Variants in NADK2 observed in about 807,000 individuals in gnomAD.
NADK2 encodes the protein NAD kinase 2, mitochondrial, also known as NAD kinase domain-containing protein 1, mitochondrial.
NADK2 carries 35 observed loss-of-function variants against 62.1 expected under a neutral mutation model. The ratio of observed to expected loss-of-function variants is 0.56; its 90% CI spans 0.43 to 0.75. NADK2 has a LOEUF of 0.75. NADK2 is among the 30% of genes least tolerant of loss of function. NADK2 has a pLI of 0.00. For synonymous variants in NADK2, 205 were observed against 207.9 expected (o/e 0.99, Z 0.12); for missense variants, 439 against 561.3 (o/e 0.78, Z 2.20).
At chr5:36,227,828 T>A (rs1425324271) in intron 1 of NADK2, among the ~76,000 whole-genome samples, 2 of 151,514 alleles carry the variant, frequency 1.3e-5, no homozygotes, top group Admixed American at 6.6e-5. Context: ...ACAGCTTAAG[T>A]TTTTTATTTT....
At position 36,241,562 on chromosome 5, in the gene NADK2, C is replaced by T; in HGVS notation, c.237G>A (p.Arg79=). Residue 79 remains arginine, a synonymous_variant, in exon 1 of 12, where the codon CGG becomes CGA. Transcript: ENST00000381937. This position sits in a 1 kb window ranked among gnomAD's most constrained non-coding sequence, Gnocchi z 4.9. ...SRVVVVAKTT[R]YEFEQQRYRY... is the part of the protein sequence containing the mutation. ...GGTACCGCTGCTGCTCGAACTCGTACCGGGTGGTTTTGGCCACCACCACCA... is the reference window on the plus strand; with the variant it reads ...GGTACCGCTGCTGCTCGAACTCGTATCGGGTGGTTTTGGCCACCACCACCA... The T allele has an allele frequency of 6.4e-7, 1 of 1,558,784 alleles. No individual in the cohort carries two copies. Among genetic ancestry groups the T allele is most frequent in the East Asian group, 2.5e-5 (1 of 39,588 alleles).
chr5:36,208,844 A>G (rs1379741983), intron 7 of NADK2, among the ~76,000 whole-genome samples: 2 of 152,128 alleles, frequency 1.3e-5, no homozygotes, highest in Non-Finnish European at 2.9e-5. Context: ...TGAAGCCTCA[A>G]TACAGGATCT....
At chr5:36,217,014 A>G (rs975390506) in intron 6 of NADK2, among the ~76,000 whole-genome samples, 4 of 152,160 alleles carry the variant, frequency 2.6e-5, no homozygotes, top group Non-Finnish European at 2.9e-5. Flanking sequence ...GTCACCATGA[A>G]AAACTCTGGA....
rs1322355470 is a variant in NADK2, at chr5:36,211,867, G to A, written c.837C>T (p.Phe279=). 2.5e-6 allele frequency: 4 copies of A among 1,613,368 alleles called. No individual in the cohort carries two copies. The highest frequency in any genetic ancestry group is 3.4e-6 in the Non-Finnish European group (4 of 1,179,664). ...ACCTGGATGACAGACTCTCCCCAAT[G>A]AAGACTTCATTTAGTGCTCTCACTG... ...LLPVRALNEV[F]IGESLSSRAS... is the part of the protein sequence containing the mutation. Residue 279 remains phenylalanine, a synonymous_variant, in exon 7 of 12, where the codon TTC becomes TTT. Coordinates refer to ENST00000381937, the MANE Select transcript of NADK2 (RefSeq NM_001085411.3).
At chr5:36,233,160 T>C (rs1269271476) in intron 1 of NADK2, among the ~76,000 whole-genome samples, 1 of 152,178 alleles carries the variant, frequency 6.6e-6, no homozygotes, top group Non-Finnish European at 1.5e-5. Context: ...GCTTGAGTTC[T>C]GGACAACACC....
rs575458455 is a variant in NADK2 at position 36,197,394 on chromosome 5, A to G, written c.1190+147T>C. On this transcript the variant is annotated intron_variant, in intron 11 of 11. Transcript: ENST00000381937. ...ATGATTTTAGCCGGGTTAGCATGAT[A>G]CCTTGTTACTTTCACAGGTTCTACT... The G allele has an allele frequency of 3.5e-5, 35 of 1,003,458 alleles. No homozygotes were observed. In the African/African-American group the frequency reaches 5.1e-4, roughly 15 times the overall value. The allele number at this position is 1,003,458 out of a possible 1,614,324, so 62.2% of individuals were successfully genotyped here. A position where few individuals can be genotyped will look rare whatever the true frequency, so the allele number is the denominator to read the frequency against.
At chr5:36,200,200 T>C in intron 10 of NADK2, 27 bp downstream of exon 10, 1 of 1,524,372 alleles carries the variant, frequency 6.6e-7, no homozygotes, top group Non-Finnish European at 8.9e-7. Flanking sequence ...ACTAAACTGT[T>C]AGTGATTATT....
chr5:36,213,331 A>C (rs1746918905), intron 6 of NADK2, among the ~76,000 whole-genome samples: 1 of 152,184 alleles, frequency 6.6e-6, no homozygotes. Flanking sequence ...CAAATACACT[A>C]ATAAAACCAC....
chr5:36,228,063 T>C (rs888804756), intron 1 of NADK2, among the ~76,000 whole-genome samples: 2 of 152,172 alleles, frequency 1.3e-5, no homozygotes, highest in Non-Finnish European at 2.9e-5. Flanking sequence ...CACTTGGATT[T>C]GCTTCTCTCT....
At chr5:36,226,637 G>A in intron 2 of NADK2, 74 bp from the exon 3 acceptor site, 2 of 1,003,736 alleles carry the variant, frequency 2.0e-6, no homozygotes, top group Non-Finnish European at 1.5e-6. Flanking sequence ...TTTCTGAGAG[G>A]CAGATGATTA....
chr5:36,200,112 A>G (rs1321387459), intron 10 of NADK2, 115 bp downstream of exon 10: 3 of 591,298 alleles, frequency 5.1e-6, no homozygotes, highest in East Asian at 6.8e-5. Context: ...ATATTGTATT[A>G]AAAGCATGTT....
chr5:36,238,389 C>A (rs143792018), intron 1 of NADK2, among the ~76,000 whole-genome samples: 3 of 152,222 alleles, frequency 2.0e-5, no homozygotes, highest in Admixed American at 6.5e-5. Context: ...AAATAGGAAC[C>A]AGTAAAAGGG....
In NADK2 at chr5:36,241,009, G is replaced by A. The variant is rs1007642162; in HGVS notation, c.300+490C>T. Among the ~76,000 whole-genome samples, 1 of 152,178 alleles carries A rather than the reference G, an allele frequency of 6.6e-6. No individual in the cohort carries two copies. Among genetic ancestry groups the A allele is most frequent in the Non-Finnish European group, 1.5e-5 (1 of 68,036 alleles). ...GCAGAGTAAAAGGGGGTGTGTCCGCGGTTGTTTCGGCCCTTTTCCCCCGGC... is the reference window on the plus strand; with the variant it reads ...GCAGAGTAAAAGGGGGTGTGTCCGCAGTTGTTTCGGCCCTTTTCCCCCGGC... On this transcript the variant is annotated intron_variant, in intron 1 of 11. Coordinates refer to ENST00000381937, the MANE Select transcript of NADK2 (RefSeq NM_001085411.3). The surrounding 1 kb of genome is among the most constrained non-coding windows in gnomAD (Gnocchi z 4.9).
At position 36,200,258 on chromosome 5, in the gene NADK2, A is replaced by G. The variant is rs757623461; in HGVS notation, c.1035T>C (p.Ser345=). 3 of 1,583,542 alleles carry G rather than the reference A, an allele frequency of 1.9e-6. No individual in the cohort carries two copies. Among genetic ancestry groups the G allele is most frequent in the South Asian group, 1.2e-5 (1 of 86,392 alleles). ...CTACCAATTCTCTGTTCAATGGAAG[A>G]CTCAAATTTCCTTGTCGTTTTGCTG... ...LNIAKRQGNL[S]LPLNRELVEK... Residue 345 remains serine, a synonymous_variant, in exon 10 of 12, where the codon AGT becomes AGC. Coordinates refer to ENST00000381937, the MANE Select transcript of NADK2 (RefSeq NM_001085411.3).
chr5:36,203,504 GA>G (rs1561057355), intron 8 of NADK2, among the ~76,000 whole-genome samples: 2 of 152,076 alleles, frequency 1.3e-5, no homozygotes, highest in Non-Finnish European at 2.9e-5. Context: ...AGAAGAGACT[GA>G]GCAACGAAGG....
chr5:36,200,188 G>T (rs770707201), intron 10 of NADK2, 39 bp downstream of exon 10: 4 of 1,464,212 alleles, frequency 2.7e-6, no homozygotes, highest in South Asian at 1.3e-5. Context: ...AACTGAAACA[G>T]AACTAAACTG....
At chr5:36,198,493 G>A (rs2112058292) in intron 10 of NADK2, among the ~76,000 whole-genome samples, 1 of 151,286 alleles carries the variant, frequency 6.6e-6, no homozygotes, top group African/African-American at 2.4e-5. Flanking sequence ...ATTCACTGTT[G>A]CTTCTGAAGA....
At chr5:36,233,668 T>C (rs1747792341) in intron 1 of NADK2, among the ~76,000 whole-genome samples, 1 of 152,234 alleles carries the variant, frequency 6.6e-6, no homozygotes, top group Admixed American at 6.5e-5. Flanking sequence ...TGTTATCTTT[T>C]ATTTAAAGAT....
At position 36,241,807 on chromosome 5, in the gene NADK2, G is replaced by C; in HGVS notation, c.-9C>G. 3 of 1,312,858 alleles carry C rather than the reference G, an allele frequency of 2.3e-6. No individual in the cohort carries two copies. The highest frequency in any genetic ancestry group is 2.9e-6 in the Non-Finnish European group (3 of 1,031,844). 81.3% of individuals were successfully genotyped at this position (1,312,858 alleles called of 1,614,324 possible). ...CCTCGGTAGCAAGTCATCGTGGGCC[G>C]GGCCGCGGCCGCGGGCTTGGGCTCG... On this transcript the variant is annotated 5_prime_UTR_variant, in exon 1 of 12. Transcript: ENST00000381937. The surrounding 1 kb of genome is among the most constrained non-coding windows in gnomAD (Gnocchi z 4.9).
Sources: allele counts gnomAD v4.1 joint callset (sites outside exome capture counted in the v4.1 genomes callset), GRCh38; gene constraint gnomAD v4.1.1; non-coding constraint Gnocchi (gnomAD v3.1); transcripts MANE v1.5; gene names NCBI Gene and HGNC (gene_info 2026-07-23, HGNC 2026-07-21).